C17orf67: variants seen among roughly 807,000 people sequenced by gnomAD.
The protein encoded by C17orf67 is chromosome 17 open reading frame 67.
A neutral mutation model predicts 11.2 loss-of-function variants in C17orf67; 12 were observed. That is an observed-to-expected ratio of 1.07 (90% CI 0.68 to 1.73). The LOEUF (loss-of-function observed/expected upper bound fraction) is 1.73, where lower values mean the gene tolerates loss of function less well. Among genes scored for constraint, C17orf67 ranks in the 40% most tolerant of loss-of-function variants. The probability of loss-of-function intolerance (pLI) is 0.00; values close to 1 mark genes in which losing one functional copy is unlikely to be tolerated. For missense variants in C17orf67, 115 were observed against 113.5 expected (o/e 1.01, Z -0.06); for synonymous variants, 59 against 46.9 (o/e 1.26, Z -1.05).
chr17:56,810,238 TCA>T (rs768993597), intron 6 of C17orf67, among the ~76,000 whole-genome samples: 19 of 125,278 alleles, frequency 1.5e-4, no homozygotes, highest in Non-Finnish European at 3.0e-4. Flanking sequence ...ACATACATCC[TCA>T]CACACATGCA....
intron 2 of C17orf67, among the ~76,000 whole-genome samples, chr17:56,828,625 C>T (rs553028655): frequency 9.9e-5 from 15 of 152,228 alleles, no homozygotes; most frequent in Non-Finnish European, 1.6e-4. Flanking sequence ...CACCTGTGTA[C>T]CCACTACCCA....
At chr17:56,799,984 G>GTA (rs1555590469) in intron 6 of C17orf67, among the ~76,000 whole-genome samples, 60 of 140,364 alleles carry the variant, frequency 4.3e-4, no homozygotes, top group African/African-American at 1.3e-3. Context: ...TTAAAGTCAT[G>GTA]AAAAAAAAAA....
At position 56,795,071 on chromosome 17, in the gene C17orf67, G is replaced by T; in HGVS notation, c.266C>A (p.Pro89His). 1 of 1,613,778 alleles carries T rather than the reference G, an allele frequency of 6.2e-7. No individual in the cohort carries two copies. The highest frequency in any genetic ancestry group is 1.1e-5 in the South Asian group (1 of 91,038). ...AGGCTGGTCCTGATCCCCTTACACA[G>T]GATGAATCCTGTTCCTGTCACAGTG... Reference protein sequence around the residue: ...KPHCDRNRIHPV With the variant: ...KPHCDRNRIHHV The change falls in exon 7 of 8, where the codon CCT becomes CAT. Residue 89 changes from proline to histidine, a missense_variant. Coordinates refer to ENST00000397861, the MANE Select transcript of C17orf67 (RefSeq NM_001085430.4).
chr17:56,807,420 G>C (rs984467335), intron 6 of C17orf67, among the ~76,000 whole-genome samples: 1 of 152,144 alleles, frequency 6.6e-6, no homozygotes, highest in African/African-American at 2.4e-5. Flanking sequence ...AGGTGAACAG[G>C]GATCACCTGG....
rs529766609 is a variant in C17orf67, at chr17:56,824,129, C to A, written c.-201+610G>T. ...ATTAAGTCACGGGAGCACCACCCTC[C>A]TGAATGGATAAGACTGTTATTTGGG... On this transcript the variant is annotated intron_variant, in intron 4 of 7. Coordinates refer to ENST00000397861, the MANE Select transcript of C17orf67 (RefSeq NM_001085430.4). Among the ~76,000 whole-genome samples the A allele has an allele frequency of 4.6e-5, 7 of 152,314 alleles. 1 individual carries two copies. The South Asian group carries it at 1.5e-3, about 32-fold the overall frequency.
In C17orf67 at chr17:56,795,194, C is replaced by A. The variant is rs72837330; in HGVS notation, c.157-14G>T. 225,855 of 1,611,232 alleles carry A rather than the reference C, an allele frequency of 0.14. 16,379 individuals are homozygous for A. Among genetic ancestry groups the A allele is most frequent in the South Asian group, 0.17 (15,081 of 90,972 alleles). On this transcript the variant is annotated splice_polypyrimidine_tract_variant and intron_variant, in intron 6 of 7. Transcript: ENST00000397861. ...GTGCATGTATTCCTGTCAAAACAAA[C>A]CACACTGAAGAAGGCTTCACCCACA...
rs376231517 is a variant in C17orf67 at position 56,814,937 on chromosome 17, T to G, written c.88A>C (p.Lys30Gln). 34 of 1,614,032 alleles carry G rather than the reference T, an allele frequency of 2.1e-5. No individual in the cohort carries two copies. The African/African-American group carries it at 2.1e-4, about 10-fold the overall frequency. The change falls in exon 6 of 8, where the codon AAA becomes CAA. Residue 30 changes from lysine (K) to glutamine (Q), a missense_variant. Physicochemically the swap from Lys to Gln is moderately conservative, Grantham distance 53. Coordinates refer to ENST00000397861, the MANE Select transcript of C17orf67 (RefSeq NM_001085430.4). ...TGTCGCCGAGATCTTAGGAGCTGTT[T>G]GGCCTGCTTCTCTGTCAAAATCGGG... ...TSPILTEKQA[K>Q]QLLRSRRQDR...
intron 6 of C17orf67, among the ~76,000 whole-genome samples, chr17:56,802,825 G>GC: frequency 6.6e-6 from 1 of 152,324 alleles, no homozygotes; most frequent in African/African-American, 2.4e-5. Flanking sequence ...ATTCTTCAAA[G>GC]CGTGAGCTGT....
At position 56,799,984 on chromosome 17, in the gene C17orf67, G is replaced by GAAAAA. The variant is rs71139937; in HGVS notation, c.157-4809_157-4805dup. Among the ~76,000 whole-genome samples, 84 of 140,364 alleles carry GAAAAA rather than the reference G, an allele frequency of 6.0e-4. 1 individual carries two copies. The highest frequency in any genetic ancestry group is 9.9e-4 in the Non-Finnish European group (65 of 65,786). The allele number at this position is 140,364 out of a possible 152,430, so 92.1% of individuals were successfully genotyped here. On this transcript the variant is annotated intron_variant, in intron 6 of 7. Coordinates refer to ENST00000397861, the MANE Select transcript of C17orf67 (RefSeq NM_001085430.4). ...ATACATATTACTTTCTTAAAGTCAT[G>GAAAAA]AAAAAAAAAAAGAAAGTTATAAAGA...
At position 56,833,143 on chromosome 17, in the gene C17orf67, T is replaced by C. The variant is rs372048650; in HGVS notation, c.-802A>G. The C allele has an allele frequency of 6.6e-5, 10 of 152,544 alleles. No homozygotes were observed. The highest frequency in any genetic ancestry group is 1.9e-4 in the East Asian group (1 of 5,176). The allele number at this position is 152,544 out of a possible 1,614,324, so 9.4% of individuals were successfully genotyped here. A position where few individuals can be genotyped will look rare whatever the true frequency, so the allele number is the denominator to read the frequency against. ...ATGTAGTAGGAAGGAAGCCGCTGAG[T>C]GCAGCTGTGCGCGCCGGGGCGGTGC... On this transcript the variant is annotated 5_prime_UTR_variant, in exon 2 of 8. Coordinates refer to ENST00000397861, the MANE Select transcript of C17orf67 (RefSeq NM_001085430.4).
intron 4 of C17orf67, among the ~76,000 whole-genome samples, chr17:56,818,427 A>C (rs982951234): frequency 6.6e-6 from 1 of 152,190 alleles, no homozygotes; most frequent in African/African-American, 2.4e-5. Context: ...TGGGATTCCA[A>C]GGTCAGAGGA....
rs1214365320 is a variant in C17orf67, at chr17:56,833,743, G to C, written c.-1127C>G. The C allele has an allele frequency of 4.0e-5, 6 of 151,850 alleles. No individual in the cohort carries two copies. Among genetic ancestry groups the C allele is most frequent in the Admixed American group, 2.6e-4 (4 of 15,262 alleles). The allele number at this position is 151,850 out of a possible 1,614,324, so 9.4% of individuals were successfully genotyped here. A position where few individuals can be genotyped will look rare whatever the true frequency, so the allele number is the denominator to read the frequency against. On this transcript the variant is annotated 5_prime_UTR_variant, in exon 1 of 8. Transcript: ENST00000397861. Reference sequence around the variant, plus strand: ...CGGCTAGAGGTTCGGCTCAAGTCGGGGGCACTCGTGTCTGCGCCGAGCGGC... The same window carrying C: ...CGGCTAGAGGTTCGGCTCAAGTCGGCGGCACTCGTGTCTGCGCCGAGCGGC...
chr17:56,794,432 C>T (rs1013020444), intron 7 of C17orf67, among the ~76,000 whole-genome samples: 6 of 151,712 alleles, frequency 4.0e-5, no homozygotes, highest in African/African-American at 1.5e-4. Flanking sequence ...TGAGGACAGA[C>T]AGGGAGAAGC....
At chr17:56,807,467 G>A (rs1356881420) in intron 6 of C17orf67, among the ~76,000 whole-genome samples, 1 of 152,186 alleles carries the variant, frequency 6.6e-6, no homozygotes, top group Non-Finnish European at 1.5e-5. Context: ...TGGGAAGTAT[G>A]GAGAGGAGCC....
chr17:56,820,891 T>G (rs944380599), intron 4 of C17orf67, among the ~76,000 whole-genome samples: 35 of 151,624 alleles, frequency 2.3e-4, no homozygotes, highest in Non-Finnish European at 4.4e-4. Flanking sequence ...TATAGAAACT[T>G]TAGAGACAAG....
At chr17:56,811,333 T>G (rs762822609) in intron 6 of C17orf67, among the ~76,000 whole-genome samples, 1 of 152,156 alleles carries the variant, frequency 6.6e-6, no homozygotes, top group South Asian at 2.1e-4. Context: ...GGACTGGAAA[T>G]GCACTGGGTG....
At chr17:56,801,190 C>A (rs1175371119) in intron 6 of C17orf67, among the ~76,000 whole-genome samples, 1 of 152,190 alleles carries the variant, frequency 6.6e-6, no homozygotes, top group Non-Finnish European at 1.5e-5. Context: ...TGAACCATTA[C>A]AAAGTATGCA....
At chr17:56,821,709 T>C (rs1337153725) in intron 4 of C17orf67, among the ~76,000 whole-genome samples, 2 of 152,246 alleles carry the variant, frequency 1.3e-5, no homozygotes, top group African/African-American at 2.4e-5. Flanking sequence ...TGCAGACATA[T>C]GTTAGGTCTG....
At chr17:56,803,564 A>G (rs552174101) in intron 6 of C17orf67, among the ~76,000 whole-genome samples, 6 of 152,234 alleles carry the variant, frequency 3.9e-5, no homozygotes, top group Non-Finnish European at 7.3e-5. Flanking sequence ...TGCTTGGCAC[A>G]CAGTAGGACC....
Sources: gnomAD v4.1 joint callset for allele counts (sites outside exome capture counted in the v4.1 genomes callset) on GRCh38, gnomAD v4.1.1 for gene constraint, MANE v1.5 for transcripts, NCBI Gene and HGNC (gene_info 2026-07-23, HGNC 2026-07-21) for gene names.